LPAR6: variants seen among roughly 807,000 people sequenced by gnomAD.
The protein encoded by LPAR6 is lysophosphatidic acid receptor 6, also known as G-protein coupled purinergic receptor P2Y5.
Under a neutral mutation model 22.0 loss-of-function variants are expected in LPAR6, and 17 were observed. The ratio of observed to expected loss-of-function variants is 0.77; its 90% confidence interval spans 0.53 to 1.16. The LOEUF (loss-of-function observed/expected upper bound fraction) is 1.16, where lower values mean the gene tolerates loss of function less well. Among genes scored for constraint, LPAR6 ranks in the 50% most tolerant of loss-of-function variants. The probability of loss-of-function intolerance (pLI) is 0.00; values close to 1 mark genes in which losing one functional copy is unlikely to be tolerated. For missense variants in LPAR6, 384 were observed against 406.9 expected (o/e 0.94, Z 0.48); for synonymous variants, 136 against 139.8 (o/e 0.97, Z 0.19).
Position 48,412,237 on chromosome 13 carries a change from C to T in LPAR6, c.187G>A (p.Asp63Asn). ...GGTAAAGTAAAAACAAAAAGCAAGTCTGACATTGCCAAGTTAATCATGTAA... is the reference window on the plus strand; with the variant it reads ...GGTAAAGTAAAAACAAAAAGCAAGTTTGACATTGCCAAGTTAATCATGTAA... Reference protein sequence around the residue: ...TTYMINLAMSDLLFVFTLPFR... With the variant: ...TTYMINLAMSNLLFVFTLPFR... The change falls in exon 1 of 1, where the codon GAC becomes AAC. Residue 63 changes from aspartate to asparagine, a missense_variant. Transcript: ENST00000620633. 6.2e-7 allele frequency: 1 copy of T among 1,614,068 alleles called. No homozygotes were observed. The highest frequency in any genetic ancestry group is 8.5e-7 in the Non-Finnish European group (1 of 1,179,980).
Position 48,411,948 on chromosome 13 carries a change from G to T in LPAR6, c.476C>A (p.Ser159Tyr). ...APAVFVQSTH[S>Y]QGNNASEACF... ...GGCTTCTGAGGCATTGTTACCCTGA[G>T]AGTGGGTAGACTGAACAAAAACGGC... The change falls in exon 1 of 1, where the codon TCT becomes TAT. Residue 159 changes from serine (S) to tyrosine (Y), a missense_variant. Physicochemically the swap from Ser to Tyr is moderately radical, Grantham distance 144. Coordinates refer to ENST00000620633, the MANE Select transcript of LPAR6 (RefSeq NM_001162498.3). The T allele has an allele frequency of 6.2e-7, 1 of 1,612,472 alleles. No homozygotes were observed. Among genetic ancestry groups the T allele is most frequent in the South Asian group, 1.1e-5 (1 of 90,970 alleles).
At chr13:48,399,775 C>G (rs1948676339) in intron 1 of LPAR6, among the ~76,000 whole-genome samples, 1 of 151,960 alleles carries the variant, frequency 6.6e-6, no homozygotes, top group Non-Finnish European at 1.5e-5. Context: ...CATTTCTAAA[C>G]CTTTGCTCAA....
At chr13:48,396,989 G>T (rs1948653892) in intron 1 of LPAR6, among the ~76,000 whole-genome samples, 1 of 152,176 alleles carries the variant, frequency 6.6e-6, no homozygotes, top group Non-Finnish European at 1.5e-5. Context: ...AAAAAGTCAG[G>T]AAACAACAGA....
At chr13:48,434,576 G>A (rs771797710) in intron 1 of LPAR6, among the ~76,000 whole-genome samples, 23 of 152,062 alleles carry the variant, frequency 1.5e-4, no homozygotes, top group Admixed American at 3.3e-4. Context: ...CCCTACAGCC[G>A]AGACTCTTTC....
At chr13:48,431,784 A>C (rs1422753721), upstream of LPAR6, among the ~76,000 whole-genome samples, 1 of 152,216 alleles carries the variant, frequency 6.6e-6, no homozygotes, top group African/African-American at 2.4e-5. Context: ...CCTAACCGAA[A>C]AAGATTGCTG....
chr13:48,418,620 G>A (rs1431943686), intron 2 of LPAR6, among the ~76,000 whole-genome samples: 1 of 151,780 alleles, frequency 6.6e-6, no homozygotes, highest in Non-Finnish European at 1.5e-5. Flanking sequence ...AGACCCATCA[G>A]TGTGCTGTAT....
At chr13:48,393,596 A>G (rs555564701) in intron 1 of LPAR6, among the ~76,000 whole-genome samples, 1 of 152,338 alleles carries the variant, frequency 6.6e-6, no homozygotes, top group South Asian at 2.1e-4. Context: ...CGTAAGGCTT[A>G]GTGATTGATG....
chr13:48,421,796 T>C (rs1043134343), intron 2 of LPAR6, among the ~76,000 whole-genome samples: 4 of 152,140 alleles, frequency 2.6e-5, no homozygotes, highest in African/African-American at 7.2e-5. Flanking sequence ...ATTAATGAAA[T>C]GCAAATCAAA....
rs570188030 is a variant in LPAR6, at chr13:48,391,903, A to T, written n.115-2091T>A. The stretch of plus-strand genomic sequence containing the variant: ...CCAAAGGGCTGGGATTACTGGCATG[A>T]GCCACCGCACCCAGCCAACAAAAAA... On this transcript the variant is annotated intron_variant and non_coding_transcript_variant, in intron 1 of 1. Transcript: ENST00000462781. 2.3e-3 allele frequency among the ~76,000 whole-genome samples: 347 copies of T among 152,232 alleles called. 1 individual carries two copies. The highest frequency in any genetic ancestry group is 8.0e-3 in the African/African-American group (331 of 41,534).
At chr13:48,443,144 T>G (rs1195892022) in intron 1 of LPAR6, among the ~76,000 whole-genome samples, 2 of 151,788 alleles carry the variant, frequency 1.3e-5, no homozygotes, top group Non-Finnish European at 2.9e-5. Flanking sequence ...CATTGTTATG[T>G]TCTTAAAAAT....
intron 1 of LPAR6, among the ~76,000 whole-genome samples, chr13:48,398,145 A>G (rs530356924): frequency 1.3e-5 from 2 of 152,304 alleles, no homozygotes; most frequent in Non-Finnish European, 2.9e-5. Flanking sequence ...CAATTATGCT[A>G]TATTTTTAAA....
At chr13:48,435,879 A>G (rs1949178244) in intron 1 of LPAR6, among the ~76,000 whole-genome samples, 1 of 152,200 alleles carries the variant, frequency 6.6e-6, no homozygotes, top group Admixed American at 6.5e-5. Context: ...AGATGAGACA[A>G]ATAGATGTAG....
At chr13:48,434,875 C>T (rs958314226) in intron 1 of LPAR6, among the ~76,000 whole-genome samples, 1 of 152,174 alleles carries the variant, frequency 6.6e-6, no homozygotes, top group Non-Finnish European at 1.5e-5. Flanking sequence ...GATCCATTCA[C>T]GATATTGCAT....
chr13:48,425,829 T>G (rs978522625), intron 1 of LPAR6, among the ~76,000 whole-genome samples: 3 of 152,226 alleles, frequency 2.0e-5, no homozygotes, highest in Non-Finnish European at 4.4e-5. Flanking sequence ...CCCCACTAAT[T>G]TTCAATGACA....
intron 2 of LPAR6, among the ~76,000 whole-genome samples, chr13:48,418,378 G>A (rs1948950199): frequency 6.6e-6 from 1 of 152,034 alleles, no homozygotes; most frequent in Non-Finnish European, 1.5e-5. Context: ...GCTCCTGAAG[G>A]AAGCACTAAA....
downstream of LPAR6, among the ~76,000 whole-genome samples, chr13:48,408,272 T>C (rs1452960083): frequency 6.6e-6 from 1 of 151,932 alleles, no homozygotes; most frequent in Non-Finnish European, 1.5e-5. Flanking sequence ...ATATATATAA[T>C]ACATATATTT....
intron 1 of LPAR6, among the ~76,000 whole-genome samples, chr13:48,396,127 AC>A (rs1175859474): frequency 6.6e-6 from 1 of 152,196 alleles, no homozygotes; most frequent in Non-Finnish European, 1.5e-5. Flanking sequence ...GGCTTTCTTC[AC>A]AGAATTAGAA....
chr13:48,420,637 C>T (rs1948991092), intron 2 of LPAR6, among the ~76,000 whole-genome samples: 1 of 152,080 alleles, frequency 6.6e-6, no homozygotes, highest in Non-Finnish European at 1.5e-5. Flanking sequence ...TTTAGAAAAC[C>T]CCATTATCTC....
downstream of LPAR6, among the ~76,000 whole-genome samples, chr13:48,407,711 G>T (rs1948752563): frequency 6.6e-6 from 1 of 152,070 alleles, no homozygotes. Flanking sequence ...TTATTTCTTA[G>T]AAGCCATGTT....
Sources: gnomAD v4.1 joint callset for allele counts (sites outside exome capture counted in the v4.1 genomes callset) on GRCh38, gnomAD v4.1.1 for gene constraint, MANE v1.5 for transcripts, NCBI Gene and HGNC (gene_info 2026-07-23, HGNC 2026-07-21) for gene names.